TRA2A: variants seen among roughly 807,000 people sequenced by gnomAD.
The protein encoded by TRA2A is transformer 2 alpha homolog.
A neutral mutation model predicts 45.7 loss-of-function variants in TRA2A; 31 were observed. The observed-to-expected ratio is 0.68, with a 90% CI of 0.51 to 0.92. The LOEUF (loss-of-function observed/expected upper bound fraction) is 0.92, where lower values mean the gene tolerates loss of function less well. TRA2A is among the 40% of genes least tolerant of loss of function. The probability of loss-of-function intolerance (pLI) is 0.00; values close to 1 mark genes in which losing one functional copy is unlikely to be tolerated. For synonymous variants in TRA2A, 132 were observed against 126.2 expected (o/e 1.05, Z -0.31); for missense variants, 304 against 367.5 (o/e 0.83, Z 1.41).
chr7:23,505,607 A>C lies in TRA2A; in HGVS notation c.839-38T>G, dbSNP rs1562783599. Reference sequence around the variant, plus strand: ...AAGCAAAAAAAAAAAAAAAAAAAAAAAGTTAACAATTATAGTTTAATTTGC... The same window carrying C: ...AAGCAAAAAAAAAAAAAAAAAAAAACAGTTAACAATTATAGTTTAATTTGC... On this transcript the variant is annotated intron_variant, in intron 7 of 7. Transcript: ENST00000297071. 85 of 603,684 alleles carry C rather than the reference A, an allele frequency of 1.4e-4. 2 individuals are homozygous for C. In the East Asian group the frequency reaches 2.4e-3, roughly 17 times the overall value. 37.4% of individuals were successfully genotyped at this position (603,684 alleles called of 1,614,324 possible). A position where few individuals can be genotyped will look rare whatever the true frequency, so the allele number is the denominator to read the frequency against.
intron 1 of TRA2A, among the ~76,000 whole-genome samples, chr7:23,529,524 AT>A (rs925540588): frequency 3.3e-5 from 5 of 152,114 alleles, no homozygotes; most frequent in African/African-American, 1.2e-4. Flanking sequence ...CCTCCCAAAA[AT>A]TGTTGGATTA....
chr7:23,524,835 G>A (rs1049036553), intron 1 of TRA2A, among the ~76,000 whole-genome samples: 3 of 151,890 alleles, frequency 2.0e-5, no homozygotes, highest in Admixed American at 6.6e-5. Flanking sequence ...CAGCTTACAG[G>A]TGCACGCCAT....
chr7:23,506,723 T>C (rs936349845), intron 5 of TRA2A, among the ~76,000 whole-genome samples: 2 of 152,228 alleles, frequency 1.3e-5, no homozygotes, highest in Non-Finnish European at 2.9e-5. Context: ...AATGACTATA[T>C]TCCTTCTTTT....
At chr7:23,516,044 C>A (rs1477484142) in intron 3 of TRA2A, among the ~76,000 whole-genome samples, 2 of 151,926 alleles carry the variant, frequency 1.3e-5, no homozygotes, top group Non-Finnish European at 2.9e-5. Context: ...TGGTGGTGCA[C>A]ACCTGCAACC....
At position 23,507,554 on chromosome 7, in the gene TRA2A, A is replaced by G. The variant is rs767351758; in HGVS notation, c.526-19T>C. On this transcript the variant is annotated intron_variant, in intron 4 of 7. Transcript: ENST00000297071. ...CCATAGCCTATAAAGAACAGGCACA[A>G]AAAGTCACGTATAATTCACCAGTCT... The G allele has an allele frequency of 1.9e-6, 3 of 1,544,850 alleles. No homozygotes were observed. In the South Asian group the frequency reaches 3.3e-5, roughly 17 times the overall value.
intron 1 of TRA2A, among the ~76,000 whole-genome samples, chr7:23,522,677 C>T (rs1790183732): frequency 1.3e-5 from 2 of 152,046 alleles, no homozygotes; most frequent in Admixed American, 1.3e-4. Context: ...CACCCTCCTC[C>T]CATGTTTCAT....
At chr7:23,530,095 T>C (rs1029542393) in intron 1 of TRA2A, among the ~76,000 whole-genome samples, 4 of 152,170 alleles carry the variant, frequency 2.6e-5, no homozygotes, top group Admixed American at 6.5e-5. Context: ...TGAAAGTTAA[T>C]TGAAGGAATG....
intron 2 of TRA2A, among the ~76,000 whole-genome samples, chr7:23,519,073 G>A (rs1273537240): frequency 6.6e-6 from 1 of 152,120 alleles, no homozygotes; most frequent in Non-Finnish European, 1.5e-5. Flanking sequence ...ATTCCCAGTT[G>A]CTTGCAGTCC....
intron 1 of TRA2A, among the ~76,000 whole-genome samples, chr7:23,527,493 T>C (rs1790386048): frequency 6.6e-6 from 1 of 152,240 alleles, no homozygotes; most frequent in Non-Finnish European, 1.5e-5. Context: ...ATCTTTTAGT[T>C]ATCTAATGGG....
intron 1 of TRA2A, among the ~76,000 whole-genome samples, chr7:23,529,845 G>T (rs1317963008): frequency 2.2e-5 from 3 of 137,004 alleles, no homozygotes; most frequent in Non-Finnish European, 3.1e-5. Context: ...TTAAAAGTGG[G>T]TGGGAATCTT....
chr7:23,505,784 C>G lies in TRA2A; in HGVS notation c.800G>C (p.Arg267Pro). 6.4e-7 allele frequency: 1 copy of G among 1,561,894 alleles called. No individual in the cohort carries two copies. The highest frequency in any genetic ancestry group is 8.6e-7 in the Non-Finnish European group (1 of 1,159,358). The change falls in exon 7 of 8, where the codon CGA becomes CCA. Residue 267 changes from arginine (R) to proline (P), a missense_variant. Around this residue, in one of 3 missense-constraint regions of TRA2A, gnomAD observed 42 missense variants for 37.0 expected, o/e 1.14. Coordinates refer to ENST00000297071, the MANE Select transcript of TRA2A (RefSeq NM_013293.5). ...ACGAGATCTTGATCGTGATCTATAT[C>G]GACTATAATAAGGAGAAGGTGATCG... ...RRRSPSPYYS[R>P]YRSRSRSRSY...
chr7:23,513,994 AGG>A (rs1789744814), intron 3 of TRA2A, among the ~76,000 whole-genome samples: 1 of 152,172 alleles, frequency 6.6e-6, no homozygotes, highest in African/African-American at 2.4e-5. Flanking sequence ...TAAGCATGTT[AGG>A]GCAAATACTT....
intron 4 of TRA2A, among the ~76,000 whole-genome samples, chr7:23,510,928 T>TA (rs757138604): frequency 6.6e-5 from 10 of 152,140 alleles, no homozygotes; most frequent in East Asian, 1.9e-4. Context: ...ACTAGTTTGT[T>TA]AGAGTTATCC....
chr7:23,521,283 T>G lies in TRA2A; in HGVS notation c.170+424A>C, dbSNP rs565703609. On this transcript the variant is annotated intron_variant, in intron 2 of 7. Transcript: ENST00000297071. The stretch of plus-strand genomic sequence containing the variant: ...CATTAAATTACATGTGAGACTCCAA[T>G]GCAGAAAACCGCCTTTTTGTTGTGC... Among the ~76,000 whole-genome samples, 16 of 152,342 alleles carry G rather than the reference T, an allele frequency of 1.1e-4. No homozygotes were observed. In the South Asian group the frequency reaches 3.3e-3, roughly 32 times the overall value.
chr7:23,506,113 C>G (rs201540827), intron 6 of TRA2A, 25 bp downstream of exon 6: 2 of 1,583,500 alleles, frequency 1.3e-6, no homozygotes, highest in South Asian at 2.3e-5. Flanking sequence ...TAATTTAGAA[C>G]AGAAAGCTCA....
At chr7:23,528,897 AATAAGAAGCGGT>A (rs1790451703) in intron 1 of TRA2A, among the ~76,000 whole-genome samples, 1 of 152,174 alleles carries the variant, frequency 6.6e-6, no homozygotes, top group Non-Finnish European at 1.5e-5. Flanking sequence ...AAAAGGAGGC[AATAAGAAGCGGT>A]ATTTTTCCTC....
At chr7:23,511,759 C>T (rs1290057984) in intron 4 of TRA2A, among the ~76,000 whole-genome samples, 3 of 151,942 alleles carry the variant, frequency 2.0e-5, no homozygotes, top group Non-Finnish European at 2.9e-5. Flanking sequence ...TTTATAATAC[C>T]GAACATGTTA....
In TRA2A at chr7:23,516,396, T is replaced by C. The variant is rs374592870; in HGVS notation, c.303A>G (p.Pro101=). 9.9e-6 allele frequency: 16 copies of C among 1,614,110 alleles called. No homozygotes were observed. Among genetic ancestry groups the C allele is most frequent in the African/African-American group, 9.3e-5 (7 of 74,942 alleles). Residue 101 remains proline, a synonymous_variant, in exon 3 of 8, where the codon CCA becomes CCG. Coordinates refer to ENST00000297071, the MANE Select transcript of TRA2A (RefSeq NM_013293.5). ...YRRRRSRSHS[P]MSNRRRHTGS... ...CAGTATGTCTTCTCCGGTTAGACAT[T>C]GGAGAATGGCTTCGGCTCCTTCGCC...
At chr7:23,505,686 T>C in intron 7 of TRA2A, 60 bp downstream of exon 7, 1 of 1,139,992 alleles carries the variant, frequency 8.8e-7, no homozygotes, top group Non-Finnish European at 1.3e-6. Flanking sequence ...TCTAATATTC[T>C]AAAGTAAGCC....
Sources: gnomAD v4.1 joint callset for allele counts (sites outside exome capture counted in the v4.1 genomes callset) on GRCh38, gnomAD v4.1.1 for gene constraint, gnomAD v4.1.1 regional missense constraint, MANE v1.5 for transcripts, NCBI Gene and HGNC (gene_info 2026-07-23, HGNC 2026-07-21) for gene names.